Variants in ANKMY1 observed in about 807,000 individuals in gnomAD.
The protein encoded by ANKMY1 is ankyrin repeat and MYND domain containing 1.
Under a neutral mutation model 102.0 loss-of-function variants are expected in ANKMY1, and 98 were observed. That is an observed-to-expected ratio of 0.96 (90% CI 0.82 to 1.14). The LOEUF (loss-of-function observed/expected upper bound fraction) is 1.14, where lower values mean the gene tolerates loss of function less well. Among genes scored for constraint, ANKMY1 ranks in the 50% most tolerant of loss-of-function variants. The probability of loss-of-function intolerance (pLI) is 0.00; values close to 1 mark genes in which losing one functional copy is unlikely to be tolerated. For synonymous variants in ANKMY1, 582 were observed against 559.9 expected, an observed-to-expected ratio of 1.04 and a Z score of -0.56; for missense variants, 1,330 against 1,347.6, an observed-to-expected ratio of 0.99 and a Z score of 0.20.
At chr2:240,544,852 G>T (rs1376032276) in intron 4 of ANKMY1, among the ~76,000 whole-genome samples, 1 of 152,206 alleles carries the variant, frequency 6.6e-6, no homozygotes, top group Non-Finnish European at 1.5e-5. Context: ...TGGCTCGGAG[G>T]GTCCTACGCC....
upstream of ANKMY1, among the ~76,000 whole-genome samples, chr2:240,559,292 G>A (rs552157097): frequency 1.6e-3 from 237 of 152,328 alleles, 2 homozygotes; most frequent in Non-Finnish European, 1.8e-3. Context: ...TCATGAAACA[G>A]TCCAGGAGGA....
intron 4 of ANKMY1, among the ~76,000 whole-genome samples, chr2:240,535,190 T>C (rs1559351043): frequency 6.6e-6 from 1 of 152,224 alleles, no homozygotes; most frequent in Non-Finnish European, 1.5e-5. Context: ...CTTGGTTTTA[T>C]ATGTTTTAGG....
Position 240,506,214 on chromosome 2 carries a change from A to C in ANKMY1, c.2526+1346T>G, listed in dbSNP as rs748888124. Among the ~76,000 whole-genome samples, 4 of 152,206 alleles carry C rather than the reference A, an allele frequency of 2.6e-5. No individual in the cohort carries two copies. Among genetic ancestry groups the C allele is most frequent in the Admixed American group, 6.5e-5 (1 of 15,284 alleles). ...TATGTTCAAGGCACATTCAGCGTCCACACACAACAACGCTGCCCCCTGAGC... is the reference window on the plus strand; with the variant it reads ...TATGTTCAAGGCACATTCAGCGTCCCCACACAACAACGCTGCCCCCTGAGC... On this transcript the variant is annotated intron_variant, in intron 13 of 17. Coordinates refer to ENST00000401804, the MANE Select transcript of ANKMY1 (RefSeq NM_001282771.3). The surrounding 1 kb of genome is among the most constrained non-coding windows in gnomAD (Gnocchi z 4.9).
intron 9 of ANKMY1, among the ~76,000 whole-genome samples, chr2:240,519,350 G>T (rs758159107): frequency 1.3e-5 from 2 of 152,210 alleles, no homozygotes; most frequent in Non-Finnish European, 2.9e-5. Context: ...TGACAACAAG[G>T]GTTCAGGCAA....
rs1013367363 is a variant in ANKMY1 at position 240,520,314 on chromosome 2, C to T, written c.2004+48G>A. On this transcript the variant is annotated intron_variant, in intron 9 of 17. Coordinates refer to ENST00000401804, the MANE Select transcript of ANKMY1 (RefSeq NM_001282771.3). This position sits in a 1 kb window ranked among gnomAD's most constrained non-coding sequence, Gnocchi z 4.8. ...AGCGAGGAGCTTCCCGGCCAGTGCC[C>T]GGGAGTCTGCTGCGCTCGTCCCGGC... 6 of 1,499,580 alleles carry T rather than the reference C, an allele frequency of 4.0e-6. No individual in the cohort carries two copies. The highest frequency in any genetic ancestry group is 2.2e-5 in the Admixed American group (1 of 45,716). 92.9% of individuals were successfully genotyped at this position (1,499,580 alleles called of 1,614,324 possible).
intron 15 of ANKMY1, among the ~76,000 whole-genome samples, chr2:240,486,638 A>G (rs547867974): frequency 7.7e-4 from 118 of 152,324 alleles, no homozygotes; most frequent in African/African-American, 2.8e-3. Context: ...CTCAGTTAAC[A>G]GTTTATCTAA....
rs950384080 is a variant in ANKMY1, at chr2:240,506,908, G to A, written c.2526+652C>T. On this transcript the variant is annotated intron_variant, in intron 13 of 17. Transcript: ENST00000401804. This position sits in a 1 kb window ranked among gnomAD's most constrained non-coding sequence, Gnocchi z 4.9. ...GCTCAGGACAGAAGGTGTCTCCAGC[G>A]CGGGCAGGATTTCCCGACTGTGAGC... Among the ~76,000 whole-genome samples the A allele has an allele frequency of 7.9e-5, 12 of 152,210 alleles. No individual in the cohort carries two copies. The highest frequency in any genetic ancestry group is 3.9e-4 in the East Asian group (2 of 5,150).
rs139808020 is a variant in ANKMY1 at position 240,524,004 on chromosome 2, C to T, written c.1713G>A (p.Ser571=). ...GGGCGCTTCTCTCCAGCATGGCCTG[C>T]GAGAGCTCGATGGAGAAGTCGCACA... ...VCVCDFSIEL[S]QAMLERSAQS... Residue 571 remains serine (S), a synonymous_variant, in exon 8 of 18, where the codon TCG becomes TCA. Coordinates refer to ENST00000401804, the MANE Select transcript of ANKMY1 (RefSeq NM_001282771.3). The T allele has an allele frequency of 3.4e-4, 555 of 1,613,920 alleles. 1 individual carries two copies. The African/African-American group carries it at 5.2e-3, about 15-fold the overall frequency.
At chr2:240,484,313 T>A (rs7340463) in intron 15 of ANKMY1, among the ~76,000 whole-genome samples, 1 of 152,062 alleles carries the variant, frequency 6.6e-6, no homozygotes, top group Non-Finnish European at 1.5e-5. Context: ...ACTACAAGGC[T>A]ACAGTAACCA....
chr2:240,478,817 G>A (rs2075036560), downstream of ANKMY1, among the ~76,000 whole-genome samples: 2 of 151,132 alleles, frequency 1.3e-5, no homozygotes, highest in Admixed American at 6.6e-5. Context: ...CTCCAGCCCC[G>A]ACACAGGCTC....
At chr2:240,538,579 C>T (rs1377389260) in intron 4 of ANKMY1, among the ~76,000 whole-genome samples, 3 of 152,188 alleles carry the variant, frequency 2.0e-5, no homozygotes, top group African/African-American at 7.2e-5. Flanking sequence ...TGCACTGCCC[C>T]AGCCTCCCCG....
Position 240,520,639 on chromosome 2 carries a change from A to G in ANKMY1, c.1833-106T>C, listed in dbSNP as rs923001592. The G allele has an allele frequency of 7.3e-7, 1 of 1,370,388 alleles. No homozygotes were observed. Among genetic ancestry groups the G allele is most frequent in the South Asian group, 1.4e-5 (1 of 69,558 alleles). The allele number at this position is 1,370,388 out of a possible 1,614,324, so 84.9% of individuals were successfully genotyped here. A position where few individuals can be genotyped will look rare whatever the true frequency, so the allele number is the denominator to read the frequency against. ...GGCTGGGGAGGGGCGCGTAGGGAGTATGTGTGTGCCGCAACTACACAATCA... is the reference window on the plus strand; with the variant it reads ...GGCTGGGGAGGGGCGCGTAGGGAGTGTGTGTGTGCCGCAACTACACAATCA... On this transcript the variant is annotated intron_variant, in intron 8 of 17. Coordinates refer to ENST00000401804, the MANE Select transcript of ANKMY1 (RefSeq NM_001282771.3). The surrounding 1 kb of genome is among the most constrained non-coding windows in gnomAD (Gnocchi z 4.8).
chr2:240,498,171 T>G (rs1404755967), intron 15 of ANKMY1, among the ~76,000 whole-genome samples: 1 of 150,270 alleles, frequency 6.7e-6, no homozygotes, highest in East Asian at 2.0e-4. Context: ...CGAGGGGAGG[T>G]TAGTATGTTT....
the ANKMY1 span, among the ~76,000 whole-genome samples, chr2:240,469,296 G>A: frequency 6.6e-6 from 1 of 152,180 alleles, no homozygotes. Flanking sequence ...GGTGGGCAGG[G>A]GCACCCGGCT....
intron 9 of ANKMY1, 30 bp from the exon 10 acceptor site, chr2:240,512,972 A>T: frequency 6.2e-7 from 1 of 1,602,370 alleles, no homozygotes; most frequent in South Asian, 1.1e-5. Flanking sequence ...GCGGGCAGTG[A>T]GGCACATTCT....
chr2:240,523,584 C>A, intron 8 of ANKMY1: 2 of 455,548 alleles, frequency 4.4e-6, no homozygotes, highest in South Asian at 5.2e-5. Context: ...CTGAGGCTCC[C>A]ACAGAGACAC....
In ANKMY1 at chr2:240,479,491, A is replaced by C; in HGVS notation, c.*118T>G. On this transcript the variant is annotated 3_prime_UTR_variant, in exon 18 of 18. Coordinates refer to ENST00000401804, the MANE Select transcript of ANKMY1 (RefSeq NM_001282771.3). Reference sequence around the variant, plus strand: ...AAGGGAGACACTGCTACAAAGCATGACCCCAAAGGTGCAGAAATGCCTGCA... The same window carrying C: ...AAGGGAGACACTGCTACAAAGCATGCCCCCAAAGGTGCAGAAATGCCTGCA... The C allele has an allele frequency of 8.1e-7, 1 of 1,235,016 alleles. No individual in the cohort carries two copies. The highest frequency in any genetic ancestry group is 1.2e-6 in the Non-Finnish European group (1 of 862,124). 76.5% of individuals were successfully genotyped at this position (1,235,016 alleles called of 1,614,324 possible). A position where few individuals can be genotyped will look rare whatever the true frequency, so the allele number is the denominator to read the frequency against.
chr2:240,500,550 T>G lies in ANKMY1; in HGVS notation c.2542A>C (p.Ser848Arg), dbSNP rs772827983. 6.2e-7 allele frequency: 1 copy of G among 1,613,940 alleles called. No homozygotes were observed. Among genetic ancestry groups the G allele is most frequent in the African/African-American group, 1.3e-5 (1 of 74,930 alleles). ...SKLALIDRLISHGADILKPVM... is the reference protein window; with the variant it reads ...SKLALIDRLIRHGADILKPVM... ...GGCTTCAGGATGTCGGCCCCGTGAC[T>G]GATGAGTCGGTCAATCTGTGGAGAA... The change falls in exon 14 of 18, where the codon AGT (serine) becomes CGT (arginine). Residue 848 changes from serine (S) to arginine (R), a missense_variant. Coordinates refer to ENST00000401804, the MANE Select transcript of ANKMY1 (RefSeq NM_001282771.3).
intron 9 of ANKMY1, among the ~76,000 whole-genome samples, chr2:240,515,658 C>G (rs938878465): frequency 6.6e-6 from 1 of 152,186 alleles, no homozygotes; most frequent in Non-Finnish European, 1.5e-5. Flanking sequence ...CTTTAACATT[C>G]ATAATACAAG....
Sources: allele counts gnomAD v4.1 joint callset (sites outside exome capture counted in the v4.1 genomes callset), GRCh38; gene constraint gnomAD v4.1.1; non-coding constraint Gnocchi (gnomAD v3.1); transcripts MANE v1.5; gene names NCBI Gene and HGNC (gene_info 2026-07-23, HGNC 2026-07-21).